Variants in SERINC5 observed in about 807,000 individuals in gnomAD.
SERINC5 encodes chromosome 5 open reading frame 12.
In SERINC5, 41 loss-of-function variants were observed where a neutral mutation model predicts 63.1. The ratio of observed to expected loss-of-function variants is 0.65; its 90% confidence interval spans 0.51 to 0.84. The LOEUF (loss-of-function observed/expected upper bound fraction) is 0.84. SERINC5 is among the 40% of genes least tolerant of loss of function. The probability of loss-of-function intolerance (pLI) is 0.00; values close to 1 mark genes in which losing one functional copy is unlikely to be tolerated. For synonymous variants in SERINC5, 222 were observed against 215.2 expected, an observed-to-expected ratio of 1.03 and a Z score of -0.28; for missense variants, 523 against 573.0, an observed-to-expected ratio of 0.91 and a Z score of 0.89.
Position 80,169,375 on chromosome 5 carries a change from C to T in SERINC5, c.723G>A (p.Leu241=), listed in dbSNP as rs374018943. 6.2e-7 allele frequency: 1 copy of T among 1,613,860 alleles called. No homozygotes were observed. Among genetic ancestry groups the T allele is most frequent in the Non-Finnish European group, 8.5e-7 (1 of 1,179,868 alleles). Residue 241 remains leucine (L), a synonymous_variant, in exon 6 of 12, where the codon CTG becomes CTA. Transcript: ENST00000507668. ...ILLGVNGGLC[L]LISLVAISPW... Reference sequence around the variant, plus strand: ...GTGAGATGGCTACCAATGATATAAGCAGGCACAGGCCTCCATTTACTCCCA... The same window carrying T: ...GTGAGATGGCTACCAATGATATAAGTAGGCACAGGCCTCCATTTACTCCCA...
In SERINC5 at chr5:80,255,953, T is replaced by C; in HGVS notation, c.-31A>G. 4.6e-6 allele frequency: 7 copies of C among 1,523,624 alleles called. No homozygotes were observed. Among genetic ancestry groups the C allele is most frequent in the Non-Finnish European group, 5.2e-6 (6 of 1,144,246 alleles). 94.4% of individuals were successfully genotyped at this position (1,523,624 alleles called of 1,614,324 possible). On this transcript the variant is annotated 5_prime_UTR_variant, in exon 1 of 12. Transcript: ENST00000507668. ...CGGCCAATGCCGAAGGCGCGCTCGC[T>C]GGCTCCCCGCGCCGCACGGGCCCTC...
chr5:80,234,842 C>T (rs571809108), intron 1 of SERINC5, among the ~76,000 whole-genome samples: 1 of 152,082 alleles, frequency 6.6e-6, no homozygotes, highest in Non-Finnish European at 1.5e-5. Flanking sequence ...TGTTCTTTAA[C>T]CTCCTCTTTT....
rs192557794 is a variant in SERINC5, at chr5:80,170,908, G to A, written c.552-1362C>T. On this transcript the variant is annotated intron_variant, in intron 5 of 11. Transcript: ENST00000507668. ...TGTAGTCCCAGCTGCTTGGGAGACT[G>A]AGGTAGGAGGATCACCTGAGCTCGG... Among the ~76,000 whole-genome samples, 239 of 152,328 alleles carry A rather than the reference G, an allele frequency of 1.6e-3. 3 individuals carry two copies. Among genetic ancestry groups the A allele is most frequent in the Admixed American group, 0.014 (211 of 15,300 alleles).
rs574860549 is a variant in SERINC5 at position 80,155,768 on chromosome 5, G to A, written c.986+3068C>T. ...TTTTTTATCTAAAAAAATAAAAAGAGCTATCAGAGAACTCCCACAAGTGGA... is the reference window on the plus strand; with the variant it reads ...TTTTTTATCTAAAAAAATAAAAAGAACTATCAGAGAACTCCCACAAGTGGA... On this transcript the variant is annotated intron_variant, in intron 8 of 11. Coordinates refer to ENST00000507668, the MANE Select transcript of SERINC5 (RefSeq NM_001174072.3). 8.5e-5 allele frequency among the ~76,000 whole-genome samples: 13 copies of A among 152,058 alleles called. No homozygotes were observed. The East Asian group carries it at 2.3e-3, about 27-fold the overall frequency.
At chr5:80,187,575 A>T (rs967649938) in intron 2 of SERINC5, among the ~76,000 whole-genome samples, 1 of 152,226 alleles carries the variant, frequency 6.6e-6, no homozygotes, top group African/African-American at 2.4e-5. Flanking sequence ...ATTTCTCAGT[A>T]AGTGATTGCC....
intron 1 of SERINC5, among the ~76,000 whole-genome samples, chr5:80,228,150 A>G (rs897495083): frequency 1.3e-5 from 2 of 149,198 alleles, no homozygotes; most frequent in African/African-American, 4.9e-5. Context: ...GAGGATCACC[A>G]GAGCCTGTGA....
At chr5:80,137,862 G>A (rs146934911), downstream of SERINC5, among the ~76,000 whole-genome samples, 983 of 152,092 alleles carry the variant, frequency 6.5e-3, 12 homozygotes, top group African/African-American at 0.023. Context: ...GATTGCTTGA[G>A]TCCAAGAAGT....
In SERINC5 at chr5:80,147,240, C is replaced by A; in HGVS notation, c.1093+5G>T. The A allele has an allele frequency of 6.3e-7, 1 of 1,599,458 alleles. No homozygotes were observed. The highest frequency in any genetic ancestry group is 8.5e-7 in the Non-Finnish European group (1 of 1,173,412). On this transcript the variant is annotated splice_donor_5th_base_variant and intron_variant, in intron 10 of 11. Coordinates refer to ENST00000507668, the MANE Select transcript of SERINC5 (RefSeq NM_001174072.3). ...AGGTGCAAAGAATAAAAGCGCTCTG[C>A]TTACCCTCTCCACCAGGACTGAAGC... is the stretch of plus-strand genomic sequence containing the variant.
At chr5:80,163,728 T>C (rs1747092420) in intron 7 of SERINC5, among the ~76,000 whole-genome samples, 1 of 152,218 alleles carries the variant, frequency 6.6e-6, no homozygotes, top group East Asian at 1.9e-4. Flanking sequence ...ACCCACTTGA[T>C]CATGGTATAT....
At chr5:80,227,435 T>C (rs1188216887) in intron 1 of SERINC5, among the ~76,000 whole-genome samples, 3 of 152,010 alleles carry the variant, frequency 2.0e-5, no homozygotes, top group Non-Finnish European at 4.4e-5. Flanking sequence ...AGCAGAGCTG[T>C]CTCTAGAGAG....
intron 8 of SERINC5, 185 bp downstream of exon 8, chr5:80,158,651 C>A: frequency 1.8e-6 from 1 of 554,158 alleles, no homozygotes; most frequent in Non-Finnish European, 3.2e-6. Flanking sequence ...TTTATTTACC[C>A]CAAATAAAAA....
chr5:80,138,680 GC>G (rs1333324490), downstream of SERINC5: 1 of 299,112 alleles, frequency 3.3e-6, no homozygotes, highest in Non-Finnish European at 4.9e-6. Context: ...ATGCTAATTA[GC>G]ATGATTTGGC....
At chr5:80,150,815 AC>A in intron 9 of SERINC5, 66 bp downstream of exon 9, 2 of 1,106,000 alleles carry the variant, frequency 1.8e-6, no homozygotes, top group South Asian at 1.2e-5. Flanking sequence ...AGACACAAAC[AC>A]AAAAGGCCCT....
chr5:80,239,467 CTTTT>C (rs35238009), intron 1 of SERINC5, among the ~76,000 whole-genome samples: 6 of 133,944 alleles, frequency 4.5e-5, no homozygotes, highest in African/African-American at 5.5e-5. Context: ...CACTGGGATT[CTTTT>C]TTTTTTTTTT....
chr5:80,142,466 T>C lies in SERINC5; in HGVS notation c.*1197A>G, dbSNP rs1303286746. The C allele has an allele frequency of 5.1e-6, 5 of 982,288 alleles. No individual in the cohort carries two copies. In the East Asian group the frequency reaches 3.4e-4, roughly 67 times the overall value. The allele number at this position is 982,288 out of a possible 1,614,324, so 60.8% of individuals were successfully genotyped here. ...CAGGCTGGTCTTGCAACTCCTGACCTCAAGTGATCCGCCTGCCTCTGCGCA... is the reference window on the plus strand; with the variant it reads ...CAGGCTGGTCTTGCAACTCCTGACCCCAAGTGATCCGCCTGCCTCTGCGCA... On this transcript the variant is annotated 3_prime_UTR_variant, in exon 12 of 12. Coordinates refer to ENST00000507668, the MANE Select transcript of SERINC5 (RefSeq NM_001174072.3).
Position 80,140,563 on chromosome 5 carries a change from T to C in SERINC5, c.*3100A>G. On this transcript the variant is annotated 3_prime_UTR_variant, in exon 12 of 12. Transcript: ENST00000507668. ...TCTTTTTCAGACAAAATGAAGAACC[T>C]TTTTGCCCAAGAAACTGTGGGCAAA... 2 of 978,536 alleles carry C rather than the reference T, an allele frequency of 2.0e-6. No homozygotes were observed. The highest frequency in any genetic ancestry group is 1.2e-4 in the East Asian group (1 of 8,044). The allele number at this position is 978,536 out of a possible 1,614,324, so 60.6% of individuals were successfully genotyped here. A position where few individuals can be genotyped will look rare whatever the true frequency, so the allele number is the denominator to read the frequency against.
chr5:80,224,133 C>CAAAAAAA (rs33915521), intron 1 of SERINC5, among the ~76,000 whole-genome samples: 1 of 102,158 alleles, frequency 9.8e-6, no homozygotes, highest in Non-Finnish European at 1.9e-5. Context: ...AACTCCGTCT[C>CAAAAAAA]AAAAAAAAAA....
chr5:80,181,670 C>T (rs1011705463), intron 2 of SERINC5, among the ~76,000 whole-genome samples: 6 of 152,044 alleles, frequency 3.9e-5, no homozygotes, highest in African/African-American at 1.2e-4. Context: ...TTTTTTTACA[C>T]CATTTTGTCA....
downstream of SERINC5, among the ~76,000 whole-genome samples, chr5:80,135,531 G>A (rs185298912): frequency 6.6e-6 from 1 of 152,104 alleles, no homozygotes; most frequent in Non-Finnish European, 1.5e-5. Context: ...CTACAATAGA[G>A]AATCCCTTTC....
Sources: gnomAD v4.1 joint callset for allele counts (sites outside exome capture counted in the v4.1 genomes callset) on GRCh38, gnomAD v4.1.1 for gene constraint, MANE v1.5 for transcripts, NCBI Gene and HGNC (gene_info 2026-07-23, HGNC 2026-07-21) for gene names.